The following MYH16 variants were observed in gnomAD, a reference collection of about 807,000 sequenced individuals.
MYH16 encodes myosin heavy chain 16.
In MYH16 at chr7:99,294,016, AG is replaced by A; in HGVS notation, n.4150del. On this transcript the variant is annotated splice_acceptor_variant and non_coding_transcript_variant, in intron 32 of 41. Transcript: ENST00000439784. ...GACAGCCCCTCTGGCCCTCATTTGC[AG>A]GAGGAAGCTGGCCGCCAGGCTTCAG... 1 of 451,188 alleles carries A rather than the reference AG, an allele frequency of 2.2e-6. No homozygotes were observed. Among genetic ancestry groups the A allele is most frequent in the Non-Finnish European group, 4.4e-6 (1 of 225,148 alleles). 27.9% of individuals were successfully genotyped at this position (451,188 alleles called of 1,614,324 possible).
chr7:99,281,009 C>A, intron 23 of MYH16, 29 bp downstream of exon 5: 1 of 352,118 alleles, frequency 2.8e-6, no homozygotes, highest in Admixed American at 3.8e-5. Flanking sequence ...TTCCCTCAGC[C>A]CAGCAGCTAG....
At chr7:99,249,474 G>C (rs183315458) in intron 4 of MYH16, among the ~76,000 whole-genome samples, 2,816 of 149,854 alleles carry the variant, frequency 0.019, 36 homozygotes, top group Non-Finnish European at 0.027. Flanking sequence ...AGGAGGTTGA[G>C]GCTGCAGTGA....
chr7:99,263,815 T>C (rs1375491782), intron 14 of MYH16, among the ~76,000 whole-genome samples: 1 of 152,216 alleles, frequency 6.6e-6, no homozygotes, highest in Non-Finnish European at 1.5e-5. Flanking sequence ...AGCTCAGTCC[T>C]GCCTCTCTTC....
downstream of MYH16, among the ~76,000 whole-genome samples, chr7:99,309,346 A>G (rs1208483515): frequency 2.0e-5 from 3 of 152,194 alleles, no homozygotes; most frequent in Admixed American, 2.0e-4. Context: ...GCTATCTTTC[A>G]GTAATGGTGG....
chr7:99,245,675 G>C (rs926816182), intron 2 of MYH16, among the ~76,000 whole-genome samples: 18 of 151,986 alleles, frequency 1.2e-4, no homozygotes, highest in African/African-American at 4.1e-4. Flanking sequence ...TTACAAACTT[G>C]CGCTACCACG....
chr7:99,306,355 C>G (rs1221433410), intron 41 of MYH16, among the ~76,000 whole-genome samples: 4 of 151,968 alleles, frequency 2.6e-5, no homozygotes, highest in Admixed American at 2.6e-4. Context: ...ATGGTGAAAC[C>G]CATCTCTACT....
At chr7:99,304,515 A>G (rs1480386650) in intron 39 of MYH16, 71 bp from the exon 21 acceptor site, 2 of 152,328 alleles carry the variant, frequency 1.3e-5, no homozygotes, top group Admixed American at 1.3e-4. Context: ...AAGGCCTCAC[A>G]TCTCTCAAAG....
At chr7:99,293,225 G>C (rs566357720) in intron 32 of MYH16, among the ~76,000 whole-genome samples, 1 of 152,148 alleles carries the variant, frequency 6.6e-6, no homozygotes, top group Non-Finnish European at 1.5e-5. Context: ...ATTTTTTCTT[G>C]TATAAAGCCA....
intron 23 of MYH16, among the ~76,000 whole-genome samples, chr7:99,281,466 G>A (rs1195028112): frequency 6.6e-6 from 1 of 152,174 alleles, no homozygotes; most frequent in Non-Finnish European, 1.5e-5. Context: ...GGAGGCTGAG[G>A]CAGGAGGATA....
intron 40 of MYH16, among the ~76,000 whole-genome samples, 167 bp downstream of exon 21, chr7:99,304,923 C>T (rs373129197): frequency 3.3e-5 from 5 of 152,240 alleles, no homozygotes; most frequent in South Asian, 2.1e-4. Flanking sequence ...CAGTGGCTCA[C>T]GCCCGTAATC....
At position 99,239,848 on chromosome 7, in the gene MYH16, C is replaced by T. The variant is rs79758280; in HGVS notation, n.210+810C>T. ...CCCTTCTCTCTGCTGGCCCACACTA[C>T]GTCTGACTATGAGATATGACTTGAG... On this transcript the variant is annotated intron_variant and non_coding_transcript_variant, in intron 1 of 41. Transcript: ENST00000439784. Among the ~76,000 whole-genome samples the T allele has an allele frequency of 2.5e-3, 388 of 152,188 alleles. 2 individuals are homozygous for T. The East Asian group carries it at 0.069, about 27-fold the overall frequency.
At chr7:99,250,558 T>C (rs1427487055) in intron 5 of MYH16, among the ~76,000 whole-genome samples, 2 of 151,984 alleles carry the variant, frequency 1.3e-5, no homozygotes, top group Admixed American at 6.6e-5. Flanking sequence ...CTGGGCAACA[T>C]AGCAAGACAC....
chr7:99,274,311 T>A (rs1201279251), intron 20 of MYH16, among the ~76,000 whole-genome samples: 1 of 152,134 alleles, frequency 6.6e-6, no homozygotes, highest in Non-Finnish European at 1.5e-5. Flanking sequence ...GACATGTCTC[T>A]GGGCACCAGA....
chr7:99,292,168 C>A (rs1482671570), intron 31 of MYH16, 144 bp from the exon 13 acceptor site: 1 of 342,664 alleles, frequency 2.9e-6, no homozygotes, highest in African/African-American at 2.1e-5. Context: ...AAAATTAAAA[C>A]CCCGATGGTT....
At chr7:99,249,584 T>TTG (rs1563102587) in intron 4 of MYH16, among the ~76,000 whole-genome samples, 3 of 133,892 alleles carry the variant, frequency 2.2e-5, no homozygotes, top group African/African-American at 5.6e-5. Context: ...TTTTTTTTTT[T>TTG]TTTTTTTTTT....
chr7:99,277,717 G>A lies in MYH16; in HGVS notation n.2659+5G>A, dbSNP rs966739414. On this transcript the variant is annotated splice_donor_5th_base_variant and intron_variant and non_coding_transcript_variant, in intron 21 of 41. Transcript: ENST00000439784. ...CTCACCATCCAGCTGCAGGCTGTAC[G>A]TGGGGTCCCCAGGGAGAAGGGTGGG... is the stretch of plus-strand genomic sequence containing the variant. The A allele has an allele frequency of 5.9e-5, 27 of 454,666 alleles. No homozygotes were observed. The highest frequency in any genetic ancestry group is 1.1e-4 in the Non-Finnish European group (24 of 225,846). 28.2% of individuals were successfully genotyped at this position (454,666 alleles called of 1,614,324 possible). A position where few individuals can be genotyped will look rare whatever the true frequency, so the allele number is the denominator to read the frequency against.
exon 34 of MYH16, chr7:99,296,763 G>A (rs1244704008): frequency 2.2e-6 from 1 of 456,696 alleles, no homozygotes; most frequent in Non-Finnish European, 4.4e-6. Flanking sequence ...TGCTGGCTGA[G>A]TGGCAGCAGA....
chr7:99,246,000 A>G (rs1427359120), intron 2 of MYH16, among the ~76,000 whole-genome samples: 2 of 151,480 alleles, frequency 1.3e-5, no homozygotes, highest in Non-Finnish European at 2.9e-5. Flanking sequence ...ACAGGAGTTC[A>G]TGACAAGCCT....
intron 36 of MYH16, among the ~76,000 whole-genome samples, chr7:99,298,815 G>A (rs1164760581): frequency 1.4e-5 from 2 of 147,680 alleles, no homozygotes; most frequent in Admixed American, 1.4e-4. Flanking sequence ...TGTGCACATT[G>A]TGCAGGTTAG....
Sources: allele counts gnomAD v4.1 joint callset (sites outside exome capture counted in the v4.1 genomes callset), GRCh38; gene constraint gnomAD v4.1.1; transcripts MANE v1.5; gene names NCBI Gene and HGNC (gene_info 2026-07-23, HGNC 2026-07-21).